MAPKBP1: variants seen among roughly 807,000 people sequenced by gnomAD.
MAPKBP1 encodes mitogen-activated protein kinase binding protein 1.
MAPKBP1 carries 71 observed loss-of-function variants against 170.5 expected under a neutral mutation model. That is an observed-to-expected ratio of 0.42 (90% CI 0.34 to 0.51). The LOEUF is 0.51. Among genes scored for constraint, MAPKBP1 ranks in the 20% least tolerant of loss-of-function variants. MAPKBP1 has a pLI of 0.06. For missense variants in MAPKBP1, 1,598 were observed against 1,933.0 expected, an observed-to-expected ratio of 0.83 and a Z score of 3.25; for synonymous variants, 719 against 757.9, an observed-to-expected ratio of 0.95 and a Z score of 0.84.
rs1171622129 is a variant in MAPKBP1, at chr15:41,819,442, T to C, written c.2425+63T>C. 2.5e-6 allele frequency: 4 copies of C among 1,603,140 alleles called. No individual in the cohort carries two copies. In the African/African-American group the frequency reaches 5.4e-5, roughly 21 times the overall value. The stretch of plus-strand genomic sequence containing the variant: ...GTTGGTATAATGGCTAGATATGGTT[T>C]TTCTGAGACTGTGGGGTGAGAGCAG... On this transcript the variant is annotated intron_variant, in intron 21 of 30. Coordinates refer to ENST00000457542, the MANE Select transcript of MAPKBP1 (RefSeq NM_014994.3).
intron 3 of MAPKBP1, among the ~76,000 whole-genome samples, chr15:41,808,622 C>T (rs1382451605): frequency 6.6e-6 from 1 of 150,928 alleles, no homozygotes; most frequent in Admixed American, 6.6e-5. Context: ...ATTACAGGTA[C>T]CCACCACCAC....
At chr15:41,808,375 G>A (rs1440572350) in intron 3 of MAPKBP1, among the ~76,000 whole-genome samples, 1 of 151,810 alleles carries the variant, frequency 6.6e-6, no homozygotes, top group East Asian at 1.9e-4. Flanking sequence ...AAAGTGCTGG[G>A]ATTACAGGCG....
chr15:41,825,141 T>G (rs1596103512), intron 30 of MAPKBP1, 68 bp from the exon 31 acceptor site: 1 of 1,356,460 alleles, frequency 7.4e-7, no homozygotes, highest in Non-Finnish European at 1.0e-6. Flanking sequence ...TGGACCCAGG[T>G]GGGGCCCCTC....
At position 41,820,858 on chromosome 15, in the gene MAPKBP1, C is replaced by T; in HGVS notation, c.2508C>T (p.Asp836=). ...CACAGGAGTCCGTGGGGTTCCTGGA[C>T]CCAGCTCCTGCAGCCAACCCAGGAC... The part of the protein sequence containing the change: ...SRAQESVGFL[D]PAPAANPGPR... Residue 836 remains aspartate, a synonymous_variant, in exon 23 of 31, where the codon GAC becomes GAT. Coordinates refer to ENST00000457542, the MANE Select transcript of MAPKBP1 (RefSeq NM_014994.3). 6.2e-7 allele frequency: 1 copy of T among 1,613,956 alleles called. No individual in the cohort carries two copies. The highest frequency in any genetic ancestry group is 8.5e-7 in the Non-Finnish European group (1 of 1,179,928).
At position 41,813,020 on chromosome 15, in the gene MAPKBP1, C is replaced by G. The variant is rs754821679; in HGVS notation, c.738C>G (p.Asp246Glu). 3.1e-6 allele frequency: 5 copies of G among 1,614,086 alleles called. No homozygotes were observed. The South Asian group carries it at 5.5e-5, about 18-fold the overall frequency. Residue 246 changes from aspartate (D) to glutamate (E), a missense_variant, in exon 8 of 31, where the codon GAC (aspartate) becomes GAG (glutamate). Coordinates refer to ENST00000457542, the MANE Select transcript of MAPKBP1 (RefSeq NM_014994.3). ...CCTGTGGCAGAGGAAAAAAGGCGGA[C>G]AGTACCTTCTGCATCACGTCCTCAG... ...DVACGRGKKA[D>E]STFCITSSGL...
intron 2 of MAPKBP1, among the ~76,000 whole-genome samples, chr15:41,790,417 T>G (rs760570089): frequency 6.6e-6 from 1 of 152,148 alleles, no homozygotes; most frequent in Non-Finnish European, 1.5e-5. Context: ...TGTTGTTACA[T>G]GAAAAAAACC....
Position 41,823,453 on chromosome 15 carries a change from A to C in MAPKBP1, c.3605A>C (p.His1202Pro), listed in dbSNP as rs2065035520. Residue 1202 changes from histidine (H) to proline (P), a missense_variant, in exon 29 of 31, where the codon CAT (histidine) becomes CCT (proline). By Grantham distance (77) the His-to-Pro change is moderately conservative. This residue lies in a region of MAPKBP1 where 942 missense variants were observed against 953.2 expected (regional missense o/e 0.99). Transcript: ENST00000457542. ...ACCTCTGTCTCCTTTGCAGAAAGAC[A>C]TGAGGCCAGTCTGCAGGCCCCTTCA... ...SVHSLVPQER[H>P]EASLQAPSPG... 2 of 1,610,662 alleles carry C rather than the reference A, an allele frequency of 1.2e-6. No homozygotes were observed. Among genetic ancestry groups the C allele is most frequent in the Non-Finnish European group, 1.7e-6 (2 of 1,177,812 alleles).
At chr15:41,776,431 A>C (rs2064099271) in intron 2 of MAPKBP1, among the ~76,000 whole-genome samples, 1 of 152,230 alleles carries the variant, frequency 6.6e-6, no homozygotes, top group South Asian at 2.1e-4. Flanking sequence ...AGATTTGGTA[A>C]GAAGGTGAAG....
chr15:41,794,753 A>G (rs1475197277), intron 2 of MAPKBP1, among the ~76,000 whole-genome samples: 2 of 152,192 alleles, frequency 1.3e-5, no homozygotes, highest in Non-Finnish European at 1.5e-5. Flanking sequence ...GGGGACAGCA[A>G]CCTAGGTCCT....
rs770098847 is a variant in MAPKBP1, at chr15:41,825,191, C to G, written c.4300-18C>G. 5.1e-6 allele frequency: 8 copies of G among 1,567,092 alleles called. No individual in the cohort carries two copies. Among genetic ancestry groups the G allele is most frequent in the Non-Finnish European group, 7.0e-6 (8 of 1,149,306 alleles). ...GTTGACAGGCTCCTCCACCTCACTTCTGGGGGTGCTATTTCAGGTGGCTGG... is the reference window on the plus strand; with the variant it reads ...GTTGACAGGCTCCTCCACCTCACTTGTGGGGGTGCTATTTCAGGTGGCTGG... On this transcript the variant is annotated intron_variant, in intron 30 of 30. Transcript: ENST00000457542.
At chr15:41,798,483 A>G (rs1479936721) in intron 2 of MAPKBP1, among the ~76,000 whole-genome samples, 4 of 151,866 alleles carry the variant, frequency 2.6e-5, no homozygotes, top group Admixed American at 6.6e-5. Flanking sequence ...AGGTTTCACT[A>G]TGTTGGCCAG....
intron 2 of MAPKBP1, among the ~76,000 whole-genome samples, chr15:41,796,910 T>A (rs1008478554): frequency 2.0e-5 from 3 of 152,192 alleles, no homozygotes; most frequent in African/African-American, 7.2e-5. Context: ...GAATTCTTTT[T>A]AATGAAATGG....
At position 41,822,687 on chromosome 15, in the gene MAPKBP1, C is replaced by T. The variant is rs1310675823; in HGVS notation, c.3314+10C>T. ...AGACCCGCCCACTCAGGTACAGAGG[C>T]CCCCTACCCCCCAGCAGCAGCTCTG... On this transcript the variant is annotated intron_variant, in intron 27 of 30. Transcript: ENST00000457542. The T allele has an allele frequency of 1.9e-6, 3 of 1,613,506 alleles. No homozygotes were observed. The highest frequency in any genetic ancestry group is 2.5e-6 in the Non-Finnish European group (3 of 1,179,666).
intron 3 of MAPKBP1, among the ~76,000 whole-genome samples, chr15:41,806,507 T>C (rs1397932134): frequency 6.6e-6 from 1 of 152,178 alleles, no homozygotes; most frequent in Non-Finnish European, 1.5e-5. Flanking sequence ...CTGGGCTCTT[T>C]GTGGTAGCAG....
intron 9 of MAPKBP1, among the ~76,000 whole-genome samples, chr15:41,814,299 C>T (rs2064853361): frequency 6.6e-6 from 1 of 152,212 alleles, no homozygotes. Context: ...TGCCCCATCA[C>T]AGCCATAGAA....
intron 3 of MAPKBP1, among the ~76,000 whole-genome samples, chr15:41,801,381 C>T (rs546548799): frequency 6.6e-6 from 1 of 152,342 alleles, no homozygotes; most frequent in East Asian, 1.9e-4. Context: ...CACTCTGTTC[C>T]ATGCTGATAG....
At position 41,827,716 on chromosome 15, in the gene MAPKBP1, C is replaced by G. The variant is rs1026338770; in HGVS notation, c.*2280C>G. On this transcript the variant is annotated 3_prime_UTR_variant, in exon 31 of 31. Coordinates refer to ENST00000457542, the MANE Select transcript of MAPKBP1 (RefSeq NM_014994.3). ...TTGCCCCCGCCTTGTTTTGAAAGCC[C>G]CTTATTTATAACTTTTATACTTTGT... 1 of 162,874 alleles carries G rather than the reference C, an allele frequency of 6.1e-6. No individual in the cohort carries two copies. Among genetic ancestry groups the G allele is most frequent in the Admixed American group, 6.4e-5 (1 of 15,582 alleles). The allele number at this position is 162,874 out of a possible 1,614,324, so 10.1% of individuals were successfully genotyped here. A position where few individuals can be genotyped will look rare whatever the true frequency, so the allele number is the denominator to read the frequency against.
At chr15:41,775,479 C>A in intron 2 of MAPKBP1, 90 bp downstream of exon 2, 1 of 941,988 alleles carries the variant, frequency 1.1e-6, no homozygotes. Flanking sequence ...GGAAAGATAA[C>A]TAGAAGCCCT....
chr15:41,809,485 C>A (rs958330737), intron 3 of MAPKBP1, among the ~76,000 whole-genome samples: 15 of 152,166 alleles, frequency 9.9e-5, no homozygotes, highest in Admixed American at 3.3e-4. Flanking sequence ...AAGTTTCCAG[C>A]CAGTAGTGGC....
Sources: allele counts gnomAD v4.1 joint callset (sites outside exome capture counted in the v4.1 genomes callset), GRCh38; gene constraint gnomAD v4.1.1; regional missense constraint gnomAD v4.1.1; transcripts MANE v1.5; gene names NCBI Gene and HGNC (gene_info 2026-07-23, HGNC 2026-07-21).